Variants in USP34 observed in about 807,000 individuals in gnomAD.
USP34 encodes ubiquitin carboxyl-terminal hydrolase 34.
Under a neutral mutation model 460.3 loss-of-function variants are expected in USP34, and 70 were observed. The observed-to-expected ratio is 0.15, with a 90% CI of 0.13 to 0.19. USP34 has a LOEUF of 0.19. USP34 is among the 10% of genes least tolerant of loss of function. The pLI is 1.00. For missense variants in USP34, 3,985 were observed against 4,236.2 expected (o/e 0.94, Z 1.65); for synonymous variants, 1,647 against 1,405.3 (o/e 1.17, Z -3.85).
chr2:61,231,508 T>C (rs1572854924), intron 58 of USP34, among the ~76,000 whole-genome samples: 1 of 152,118 alleles, frequency 6.6e-6, no homozygotes, highest in African/African-American at 2.4e-5. Flanking sequence ...ATCCCAGGAA[T>C]TTGAGACCAG....
intron 22 of USP34, 140 bp downstream of exon 22, chr2:61,319,033 A>G (rs192358563): frequency 1.1e-5 from 8 of 757,984 alleles, no homozygotes; most frequent in Admixed American, 3.8e-5. Context: ...ACCAAAAATT[A>G]TATTAGGACT....
intron 6 of USP34, among the ~76,000 whole-genome samples, chr2:61,382,162 C>A (rs1393472057): frequency 3.9e-5 from 6 of 152,048 alleles, no homozygotes; most frequent in Non-Finnish European, 8.8e-5. Context: ...TTCCAGTCAC[C>A]CTATATTTAT....
chr2:61,208,076 C>G (rs558052932), intron 70 of USP34: 2 of 152,384 alleles, frequency 1.3e-5, no homozygotes, highest in Non-Finnish European at 2.9e-5. Flanking sequence ...CTGTAATAGT[C>G]CTTCTGGTTT....
intron 43 of USP34, among the ~76,000 whole-genome samples, chr2:61,262,388 A>G (rs992842672): frequency 3.3e-5 from 5 of 152,114 alleles, no homozygotes; most frequent in Admixed American, 3.3e-4. Context: ...CTGTGTGTCC[A>G]TATGTACTCA....
chr2:61,455,663 A>C (rs866483159), intron 1 of USP34, among the ~76,000 whole-genome samples: 2 of 152,120 alleles, frequency 1.3e-5, no homozygotes, highest in African/African-American at 4.8e-5. Context: ...TCAAGTCCAC[A>C]AAGTTTTCTC....
chr2:61,455,613 C>G, intron 1 of USP34, among the ~76,000 whole-genome samples: 1 of 152,108 alleles, frequency 6.6e-6, no homozygotes, highest in East Asian at 1.9e-4. Flanking sequence ...ATCTCAAAAA[C>G]TTATATGCAT....
At chr2:61,258,131 A>G (rs1688770774) in intron 44 of USP34, among the ~76,000 whole-genome samples, 1 of 152,112 alleles carries the variant, frequency 6.6e-6, no homozygotes. Flanking sequence ...CGGCGAGTTG[A>G]TTGCTTGAGC....
chr2:61,283,554 A>C, intron 35 of USP34, 105 bp from the exon 36 acceptor site: 3 of 1,236,284 alleles, frequency 2.4e-6, no homozygotes, highest in South Asian at 1.5e-5. Flanking sequence ...CCCCCCCAAA[A>C]AAGGAAAGCA....
Position 61,256,831 on chromosome 2 carries a change from G to T in USP34, c.6126+42C>A, listed in dbSNP as rs773025908. ...ACACAAACCCGCTATACACAAATAG[G>T]TAAAAGCATAAAGTAAAAAAATTAT... On this transcript the variant is annotated intron_variant, in intron 47 of 79. Coordinates refer to ENST00000398571, the MANE Select transcript of USP34 (RefSeq NM_014709.4). The T allele has an allele frequency of 2.8e-6, 4 of 1,451,114 alleles. No individual in the cohort carries two copies. The Admixed American group carries it at 6.9e-5, about 25-fold the overall frequency. 89.9% of individuals were successfully genotyped at this position (1,451,114 alleles called of 1,614,324 possible).
intron 61 of USP34, among the ~76,000 whole-genome samples, chr2:61,227,933 C>T (rs568266282): frequency 1.3e-5 from 2 of 152,012 alleles, no homozygotes; most frequent in Admixed American, 6.5e-5. Context: ...CCTGATAATC[C>T]AAATAGTGGG....
intron 37 of USP34, among the ~76,000 whole-genome samples, chr2:61,281,469 G>A (rs552817433): frequency 3.3e-5 from 5 of 152,234 alleles, no homozygotes; most frequent in East Asian, 1.9e-4. Flanking sequence ...AAAATTAACC[G>A]GGTGTGGTGA....
intron 51 of USP34, among the ~76,000 whole-genome samples, chr2:61,243,884 G>A (rs1337374104): frequency 1.3e-5 from 2 of 150,286 alleles, no homozygotes; most frequent in Non-Finnish European, 3.0e-5. Flanking sequence ...AAAAAAAGGA[G>A]ACATTCTAGG....
chr2:61,339,390 C>T lies in USP34; in HGVS notation c.2705G>A (p.Arg902Lys). ...GTTTTCAAGGCAACCTTCAATGAAT[C>T]TCATTCGAATTTGTCTATCTGTAAA... Reference protein sequence around the residue: ...CWFTDRQIRMRFIEGCLENLG... With the variant: ...CWFTDRQIRMKFIEGCLENLG... The change falls in exon 18 of 80, where the codon AGA (arginine) becomes AAA (lysine). Residue 902 changes from arginine (R) to lysine (K), a missense_variant. Physicochemically the swap from Arg to Lys is conservative, Grantham distance 26 (BLOSUM62 2). This residue lies in a region of USP34 where 46 missense variants were observed against 83.1 expected (regional missense o/e 0.55). Transcript: ENST00000398571. 6.2e-7 allele frequency: 1 copy of T among 1,609,324 alleles called. No homozygotes were observed. Among genetic ancestry groups the T allele is most frequent in the Non-Finnish European group, 8.5e-7 (1 of 1,178,214 alleles).
In USP34 at chr2:61,397,382, G is replaced by A. The variant is rs149937329; in HGVS notation, c.553-2149C>T. ...TGCTTGAACCCAGGAGGTGGAGGTC[G>A]CAGTGAGTCACGATTGCACCACTGC... On this transcript the variant is annotated intron_variant, in intron 3 of 79. Transcript: ENST00000398571. 7.4e-3 allele frequency among the ~76,000 whole-genome samples: 1,115 copies of A among 150,974 alleles called. 12 individuals carry two copies. Among genetic ancestry groups the A allele is most frequent in the African/African-American group, 0.026 (1,053 of 41,040 alleles).
chr2:61,201,210 AGTTTTTT>A (rs1276453664), intron 75 of USP34, among the ~76,000 whole-genome samples: 1 of 144,362 alleles, frequency 6.9e-6, no homozygotes, highest in Non-Finnish European at 1.5e-5. Flanking sequence ...CCTCATAGAA[AGTTTTTT>A]TTTTTTTTTT....
intron 41 of USP34, among the ~76,000 whole-genome samples, chr2:61,267,485 T>G (rs973050205): frequency 1.3e-5 from 2 of 151,344 alleles, no homozygotes; most frequent in African/African-American, 4.9e-5. Flanking sequence ...CTCTGTCACC[T>G]GGGATGGAAT....
intron 1 of USP34, among the ~76,000 whole-genome samples, chr2:61,424,539 C>T (rs1039941307): frequency 1.3e-5 from 2 of 151,966 alleles, no homozygotes; most frequent in African/African-American, 2.4e-5. Flanking sequence ...ATTTGTTGCA[C>T]GAGAATGTTA....
chr2:61,452,317 A>C (rs886076574), intron 1 of USP34, among the ~76,000 whole-genome samples: 2 of 133,594 alleles, frequency 1.5e-5, no homozygotes, highest in African/African-American at 2.7e-5. Context: ...AATTCCCGGC[A>C]CTTTTTTTTT....
At chr2:61,365,686 GC>G (rs1333538701) in intron 10 of USP34, among the ~76,000 whole-genome samples, 9 of 151,990 alleles carry the variant, frequency 5.9e-5, no homozygotes, top group Non-Finnish European at 1.3e-4. Flanking sequence ...CCTAAATATA[GC>G]ATAATACTAA....
Sources: allele counts gnomAD v4.1 joint callset (sites outside exome capture counted in the v4.1 genomes callset), GRCh38; gene constraint gnomAD v4.1.1; regional missense constraint gnomAD v4.1.1; transcripts MANE v1.5; gene names NCBI Gene and HGNC (gene_info 2026-07-23, HGNC 2026-07-21).